PDE6A: variants seen among roughly 807,000 people sequenced by gnomAD.
PDE6A encodes rod cGMP-specific 3',5'-cyclic phosphodiesterase subunit alpha.
A neutral mutation model predicts 106.3 loss-of-function variants in PDE6A; 84 were observed. The ratio of observed to expected loss-of-function variants is 0.79; its 90% CI spans 0.66 to 0.95. PDE6A has a LOEUF of 0.95. Among genes scored for constraint, PDE6A ranks in the 40% least tolerant of loss-of-function variants. PDE6A has a pLI of 0.00. For synonymous variants in PDE6A, 394 were observed against 386.6 expected (o/e 1.02, Z -0.23); for missense variants, 1,052 against 1,084.9 (o/e 0.97, Z 0.43).
chr5:149,886,601 A>C (rs934702543), intron 13 of PDE6A, among the ~76,000 whole-genome samples: 6 of 152,306 alleles, frequency 3.9e-5, no homozygotes, highest in Admixed American at 3.9e-4. Context: ...AATGGGAACA[A>C]CTGGTCACCC....
intron 1 of PDE6A, among the ~76,000 whole-genome samples, chr5:149,943,888 G>A (rs1754394415): frequency 2.0e-5 from 3 of 152,276 alleles, no homozygotes; most frequent in South Asian, 4.1e-4. Context: ...TACAGACAAA[G>A]GGCATGATGT....
In PDE6A at chr5:149,899,516, A is replaced by C. The variant is rs1000642696; in HGVS notation, c.1122T>G (p.Pro374=). The part of the protein sequence containing the change: ...AEDFFAFQKE[P]LDESGWMIKN... ...TAATCATCCATCCAGACTCATCCAG[A>C]GGTTCTTTCTACAAGAGAAGGGCTA... The change falls in exon 9 of 22, where the codon CCT becomes CCG. Residue 374 remains proline, a synonymous_variant. Coordinates refer to ENST00000255266, the MANE Select transcript of PDE6A (RefSeq NM_000440.3). 3.7e-6 allele frequency: 6 copies of C among 1,614,002 alleles called. No individual in the cohort carries two copies. The highest frequency in any genetic ancestry group is 5.1e-6 in the Non-Finnish European group (6 of 1,180,004).
chr5:149,919,296 C>G (rs1178606201), intron 5 of PDE6A, among the ~76,000 whole-genome samples: 2 of 152,124 alleles, frequency 1.3e-5, no homozygotes, highest in African/African-American at 4.8e-5. Context: ...CACTTGAGGT[C>G]AGGAGTCTGA....
chr5:149,867,922 C>T (rs938936209), intron 18 of PDE6A, 123 bp from the exon 19 acceptor site: 4 of 1,143,040 alleles, frequency 3.5e-6, no homozygotes, highest in South Asian at 1.2e-5. Flanking sequence ...GCCCTGCCAC[C>T]CTCACTTTTG....
rs146467632 is a variant in PDE6A at position 149,895,795 on chromosome 5, GGAGA to G, written c.1621-509_1621-506del. 1.1e-3 allele frequency among the ~76,000 whole-genome samples: 161 copies of G among 151,620 alleles called. 1 individual carries two copies. The highest frequency in any genetic ancestry group is 3.5e-3 in the African/African-American group (144 of 41,332). ...TGTGTGTGAGAGAGAGAGAGAAAGA[GGAGA>G]GAGAGAGAGAGAAAAAGAAGAATGT... On this transcript the variant is annotated intron_variant, in intron 12 of 21. Coordinates refer to ENST00000255266, the MANE Select transcript of PDE6A (RefSeq NM_000440.3).
chr5:149,896,243 TA>T, intron 12 of PDE6A, 112 bp downstream of exon 12: 1 of 870,336 alleles, frequency 1.1e-6, no homozygotes, highest in Non-Finnish European at 1.8e-6. Flanking sequence ...CTTTAAATCC[TA>T]AATACTGAGA....
chr5:149,876,072 C>G (rs913877254), intron 17 of PDE6A, among the ~76,000 whole-genome samples: 1 of 151,998 alleles, frequency 6.6e-6, no homozygotes, highest in African/African-American at 2.4e-5. Flanking sequence ...TCAATTATAT[C>G]CATTTATTGA....
At chr5:149,870,946 G>GAGAAAAGAAAAGAAA (rs146653924) in intron 17 of PDE6A, among the ~76,000 whole-genome samples, 10 of 147,790 alleles carry the variant, frequency 6.8e-5, no homozygotes, top group African/African-American at 2.5e-4. Flanking sequence ...GAGAAGAGAA[G>GAGAAAAGAAAAGAAA]AGAAAAGAAA....
intron 5 of PDE6A, among the ~76,000 whole-genome samples, chr5:149,921,309 A>C (rs1232614248): frequency 2.0e-5 from 3 of 152,070 alleles, no homozygotes; most frequent in African/African-American, 7.2e-5. Flanking sequence ...AGAAAGAAAA[A>C]GGAAGGAAGG....
rs146520242 is a variant in PDE6A, at chr5:149,928,482, T to C, written c.858+2546A>G. Among the ~76,000 whole-genome samples the C allele has an allele frequency of 7.0e-3, 1,065 of 151,860 alleles. 14 individuals carry two copies. Among genetic ancestry groups the C allele is most frequent in the African/African-American group, 0.024 (1,007 of 41,370 alleles). ...CGAACTCCTGACCTCGTGATCCGCC[T>C]GCCTCGGCCTCCCAAAGTGTTGGGA... On this transcript the variant is annotated intron_variant, in intron 4 of 21. Coordinates refer to ENST00000255266, the MANE Select transcript of PDE6A (RefSeq NM_000440.3).
At chr5:149,890,594 G>C (rs1316801095) in intron 13 of PDE6A, among the ~76,000 whole-genome samples, 1 of 152,102 alleles carries the variant, frequency 6.6e-6, no homozygotes, top group Non-Finnish European at 1.5e-5. Flanking sequence ...AAATTTCCTT[G>C]TCAATTGTGT....
rs556668958 is a variant in PDE6A at position 149,889,171 on chromosome 5, G to T, written c.1729-2797C>A. 5.1e-4 allele frequency among the ~76,000 whole-genome samples: 77 copies of T among 150,146 alleles called. No individual in the cohort carries two copies. The South Asian group carries it at 0.015, about 30-fold the overall frequency. On this transcript the variant is annotated intron_variant, in intron 13 of 21. Coordinates refer to ENST00000255266, the MANE Select transcript of PDE6A (RefSeq NM_000440.3). The stretch of plus-strand genomic sequence containing the variant: ...GCTATCTTGAACATTGATGTCAAAA[G>T]TACACTGATGCAAAACTAGAACTTG...
intron 19 of PDE6A, 176 bp from the exon 20 acceptor site, chr5:149,866,429 C>A: frequency 1.8e-6 from 1 of 562,634 alleles, no homozygotes; most frequent in Non-Finnish European, 3.2e-6. Context: ...AGGGTGTAAC[C>A]AACCAAATCC....
chr5:149,905,236 C>T (rs1274461227), intron 7 of PDE6A, among the ~76,000 whole-genome samples: 1 of 152,166 alleles, frequency 6.6e-6, no homozygotes, highest in East Asian at 1.9e-4. Context: ...TCTCCACCCA[C>T]TCTGTAGATG....
intron 4 of PDE6A, among the ~76,000 whole-genome samples, chr5:149,929,511 G>A (rs1355127975): frequency 6.6e-6 from 1 of 152,124 alleles, no homozygotes; most frequent in African/African-American, 2.4e-5. Flanking sequence ...GGAGACTGAG[G>A]CAGGAGAATG....
intron 14 of PDE6A, among the ~76,000 whole-genome samples, chr5:149,885,084 C>A (rs1201069383): frequency 2.0e-5 from 3 of 152,188 alleles, no homozygotes; most frequent in Non-Finnish European, 2.9e-5. Flanking sequence ...GGGACATTAG[C>A]ACTGGGCCAT....
In PDE6A at chr5:149,921,918, T is replaced by A. The variant is rs531115087; in HGVS notation, c.859-209A>T. Among the ~76,000 whole-genome samples, 34 of 152,306 alleles carry A rather than the reference T, an allele frequency of 2.2e-4. 1 individual carries two copies. The South Asian group carries it at 6.6e-3, about 30-fold the overall frequency. ...AAAATATTGATGAACTGGGCCTGTC[T>A]AGTCATTAGCCAAAAACATGGGAGC... On this transcript the variant is annotated intron_variant, in intron 4 of 21. Transcript: ENST00000255266.
chr5:149,944,328 G>C lies in PDE6A; in HGVS notation c.346C>G (p.His116Asp). ...AELATRLFNVHKDAVLEDCLV... is the reference protein window; with the variant it reads ...AELATRLFNVDKDAVLEDCLV... Reference sequence around the variant, plus strand: ...CAGTCCTCGAGGACAGCATCCTTGTGGACATTGAAAAGCCTGGTGGCCAGC... The same window carrying C: ...CAGTCCTCGAGGACAGCATCCTTGTCGACATTGAAAAGCCTGGTGGCCAGC... The change falls in exon 1 of 22, where the codon CAC (histidine) becomes GAC (aspartate). Residue 116 changes from histidine (H) to aspartate (D), a missense_variant. Around this residue, in one of 3 missense-constraint regions of PDE6A, gnomAD observed 913 missense variants for 915.2 expected, o/e 1.00. Transcript: ENST00000255266. The C allele has an allele frequency of 6.2e-7, 1 of 1,614,132 alleles. No homozygotes were observed. The highest frequency in any genetic ancestry group is 1.6e-4 in the Middle Eastern group (1 of 6,062).
At chr5:149,900,375 G>GTATATGTATATATATATATATA (rs1752924278) in intron 8 of PDE6A, among the ~76,000 whole-genome samples, 1 of 82,650 alleles carries the variant, frequency 1.2e-5, no homozygotes, top group Non-Finnish European at 2.4e-5. Flanking sequence ...AAATATATAT[G>GTATATGTATATATATATATATA]TATATATATA....
Sources: gnomAD v4.1 joint callset for allele counts (sites outside exome capture counted in the v4.1 genomes callset) on GRCh38, gnomAD v4.1.1 for gene constraint, gnomAD v4.1.1 regional missense constraint, MANE v1.5 for transcripts, NCBI Gene and HGNC (gene_info 2026-07-23, HGNC 2026-07-21) for gene names.